FMN1: variants seen among roughly 807,000 people sequenced by gnomAD.
FMN1 encodes formin 1, also known as formin-1.
Under a neutral mutation model 132.4 loss-of-function variants are expected in FMN1, and 110 were observed. The observed-to-expected ratio is 0.83, with a 90% confidence interval of 0.71 to 0.97. The LOEUF (loss-of-function observed/expected upper bound fraction) is 0.97. FMN1 is among the 50% of genes least tolerant of loss of function. The pLI is 0.00. For missense variants in FMN1, 1,792 were observed against 1,705.3 expected (o/e 1.05, Z -0.90); for synonymous variants, 722 against 651.7 (o/e 1.11, Z -1.64).
At chr15:32,825,735 T>C (rs1260700679) in intron 17 of FMN1, among the ~76,000 whole-genome samples, 2 of 152,242 alleles carry the variant, frequency 1.3e-5, no homozygotes, top group East Asian at 1.9e-4. Flanking sequence ...ATTTTCTCTA[T>C]TACCCTTTTC....
intron 6 of FMN1, among the ~76,000 whole-genome samples, chr15:33,046,448 T>C (rs1351294064): frequency 6.6e-6 from 1 of 152,204 alleles, no homozygotes; most frequent in East Asian, 1.9e-4. Flanking sequence ...AGTTTGACAC[T>C]TGCCAGTTTG....
rs1008387414 is a variant in FMN1 at position 32,935,157 on chromosome 15, G to A, written c.3139-8896C>T. ...AGGCTGGTCTCAAACTCCTGACCTT[G>A]TGAGTCACCTGCCTTACCCTTCCAA... On this transcript the variant is annotated intron_variant, in intron 9 of 20. Transcript: ENST00000616417. 3.9e-5 allele frequency among the ~76,000 whole-genome samples: 6 copies of A among 152,260 alleles called. No individual in the cohort carries two copies. In the South Asian group the frequency reaches 8.3e-4, roughly 21 times the overall value.
intron 4 of FMN1, among the ~76,000 whole-genome samples, chr15:33,106,859 A>G (rs996830127): frequency 6.6e-6 from 1 of 151,992 alleles, no homozygotes; most frequent in Non-Finnish European, 1.5e-5. Context: ...TCAGCACCCC[A>G]AAGATATGTG....
At chr15:32,897,767 G>C (rs1365704872) in intron 15 of FMN1, among the ~76,000 whole-genome samples, 2 of 151,928 alleles carry the variant, frequency 1.3e-5, no homozygotes, top group Non-Finnish European at 2.9e-5. Flanking sequence ...AGCTGAGCTG[G>C]AAAGCAAGTG....
At chr15:33,115,493 C>T (rs758544345) in intron 4 of FMN1, among the ~76,000 whole-genome samples, 1 of 81,240 alleles carries the variant, frequency 1.2e-5, no homozygotes, top group Non-Finnish European at 3.1e-5. Context: ...ATCCTTAAGC[C>T]CCCCCCCCCC....
chr15:33,105,711 CCTTTT>C (rs1190553366), intron 4 of FMN1: 1 of 152,050 alleles, frequency 6.6e-6, no homozygotes, highest in African/African-American at 2.4e-5. Flanking sequence ...ATCTACTTTT[CCTTTT>C]CTTCACTTTT....
chr15:33,128,378 T>C (rs1963324789), intron 4 of FMN1, among the ~76,000 whole-genome samples: 1 of 152,142 alleles, frequency 6.6e-6, no homozygotes, highest in Non-Finnish European at 1.5e-5. Flanking sequence ...CCAGCCTCTC[T>C]CCGAACTCCA....
chr15:32,891,046 G>T (rs781082646), intron 15 of FMN1, among the ~76,000 whole-genome samples: 8 of 152,174 alleles, frequency 5.3e-5, no homozygotes, highest in Admixed American at 2.6e-4. Flanking sequence ...TCAGTTGGCT[G>T]TAAGTATTTG....
At chr15:33,131,120 A>G (rs963161862) in intron 4 of FMN1, among the ~76,000 whole-genome samples, 11 of 152,124 alleles carry the variant, frequency 7.2e-5, no homozygotes, top group Non-Finnish European at 1.5e-4. Context: ...ACCTGAGGTC[A>G]GGAATTTGAG....
chr15:33,118,032 A>T (rs1048510158), intron 4 of FMN1, among the ~76,000 whole-genome samples: 4 of 152,162 alleles, frequency 2.6e-5, no homozygotes, highest in African/African-American at 9.7e-5. Flanking sequence ...TGTGTTGTGA[A>T]TTTGCAAAAA....
intron 6 of FMN1, among the ~76,000 whole-genome samples, chr15:33,055,623 CAAAA>C (rs930464527): frequency 8.7e-5 from 13 of 148,976 alleles, no homozygotes; most frequent in African/African-American, 3.0e-4. Flanking sequence ...AAAAAACAAA[CAAAA>C]AAATCAACGC....
At chr15:32,994,831 G>A (rs1053391212) in intron 7 of FMN1, among the ~76,000 whole-genome samples, 8 of 152,256 alleles carry the variant, frequency 5.3e-5, no homozygotes, top group African/African-American at 1.7e-4. Context: ...AACATAGCAT[G>A]TACTGTCTCT....
chr15:32,924,217 T>C (rs2140340302), intron 10 of FMN1, among the ~76,000 whole-genome samples: 1 of 152,330 alleles, frequency 6.6e-6, no homozygotes, highest in African/African-American at 2.4e-5. Flanking sequence ...AGCCACCCTC[T>C]GCCAAACTCA....
At chr15:33,055,318 A>T (rs1226009720) in intron 6 of FMN1, among the ~76,000 whole-genome samples, 1 of 152,180 alleles carries the variant, frequency 6.6e-6, no homozygotes, top group Non-Finnish European at 1.5e-5. Context: ...CACCCCTTCG[A>T]GTTGTCCTAC....
At chr15:32,785,456 A>T (rs1209762540) in intron 19 of FMN1, among the ~76,000 whole-genome samples, 1 of 151,602 alleles carries the variant, frequency 6.6e-6, no homozygotes, top group Non-Finnish European at 1.5e-5. Flanking sequence ...TTGGGTTTAC[A>T]CTCTAACCTA....
At chr15:33,127,986 A>G (rs962931039) in intron 4 of FMN1, among the ~76,000 whole-genome samples, 5 of 152,202 alleles carry the variant, frequency 3.3e-5, no homozygotes, top group East Asian at 3.8e-4. Flanking sequence ...AGGTAACAGA[A>G]GGGCAACGGG....
At chr15:32,889,112 C>T (rs1422496407) in intron 15 of FMN1, among the ~76,000 whole-genome samples, 2 of 152,250 alleles carry the variant, frequency 1.3e-5, no homozygotes, top group South Asian at 4.2e-4. Context: ...GCCTTGGCTT[C>T]CCCAAAATTC....
intron 4 of FMN1, among the ~76,000 whole-genome samples, chr15:33,129,401 T>C (rs937042563): frequency 5.3e-5 from 8 of 152,194 alleles, no homozygotes; most frequent in African/African-American, 1.2e-4. Context: ...CGTGGTAAGA[T>C]TACCAAAACA....
chr15:32,949,978 T>TATATTAAAA (rs1275873476), intron 9 of FMN1, among the ~76,000 whole-genome samples: 1 of 36,200 alleles, frequency 2.8e-5, no homozygotes, highest in African/African-American at 1.6e-4. Flanking sequence ...CACATATATA[T>TATATTAAAA]ACACACACAT....
Sources: allele counts gnomAD v4.1 joint callset (sites outside exome capture counted in the v4.1 genomes callset), GRCh38; gene constraint gnomAD v4.1.1; transcripts MANE v1.5; gene names NCBI Gene and HGNC (gene_info 2026-07-23, HGNC 2026-07-21).